The following UPF2 variants were observed in gnomAD, a reference collection of about 807,000 sequenced individuals.
The protein encoded by UPF2 is UPF2 regulator of nonsense mediated mRNA decay.
In UPF2, 17 loss-of-function variants were observed where a neutral mutation model predicts 141.4. That is an observed-to-expected ratio of 0.12 (90% CI 0.08 to 0.18). UPF2 has a LOEUF of 0.18. Among genes scored for constraint, UPF2 ranks in the 10% least tolerant of loss-of-function variants. The pLI, the probability that UPF2 is intolerant of heterozygous loss-of-function variation, is 1.00. For synonymous variants in UPF2, 540 were observed against 498.0 expected (o/e 1.08, Z -1.12); for missense variants, 1,152 against 1,515.9 (o/e 0.76, Z 3.99).
chr10:12,007,341 A>G (rs887234228), intron 4 of UPF2, among the ~76,000 whole-genome samples: 3 of 152,246 alleles, frequency 2.0e-5, no homozygotes, highest in Admixed American at 2.0e-4. Context: ...TGCATCTGAC[A>G]GTAAACTTTC....
intron 3 of UPF2, among the ~76,000 whole-genome samples, chr10:12,026,281 T>G (rs1222641571): frequency 6.6e-6 from 1 of 152,136 alleles, no homozygotes; most frequent in African/African-American, 2.4e-5. Flanking sequence ...GAAATAAAGC[T>G]TCAGTGCAAA....
intron 10 of UPF2, among the ~76,000 whole-genome samples, chr10:11,964,908 C>G (rs1833296238): frequency 1.3e-5 from 2 of 152,208 alleles, no homozygotes; most frequent in South Asian, 2.1e-4. Context: ...AATCTATACA[C>G]AAAATTCATT....
rs1564363010 is a variant in UPF2, at chr10:12,004,456, T to TA, written c.1504+73_1504+74insT. 3.5e-4 allele frequency: 396 copies of TA among 1,121,620 alleles called. 1 individual carries two copies. In the African/African-American group the frequency reaches 5.1e-3, roughly 15 times the overall value. 69.5% of individuals were successfully genotyped at this position (1,121,620 alleles called of 1,614,324 possible). A position where few individuals can be genotyped will look rare whatever the true frequency, so the allele number is the denominator to read the frequency against. On this transcript the variant is annotated intron_variant, in intron 5 of 21. Coordinates refer to ENST00000357604, the MANE Select transcript of UPF2 (RefSeq NM_015542.4). ...AAACTAGTAACTACAATATATATAT[T>TA]TTTTTTTTACAAATACTATTTTGAA... is the stretch of plus-strand genomic sequence containing the variant.
chr10:11,961,471 G>A (rs1327440810), intron 11 of UPF2, among the ~76,000 whole-genome samples: 2 of 151,924 alleles, frequency 1.3e-5, no homozygotes, highest in African/African-American at 2.4e-5. Flanking sequence ...ACGAACAGAA[G>A]GCCAGTGTGT....
chr10:12,031,144 G>A (rs1417379079), intron 2 of UPF2, among the ~76,000 whole-genome samples: 10 of 148,752 alleles, frequency 6.7e-5, no homozygotes, highest in East Asian at 2.0e-4. Flanking sequence ...ACTGCAGTCC[G>A]GCCTGGGCGA....
intron 18 of UPF2, among the ~76,000 whole-genome samples, chr10:11,938,855 T>TTTTTG (rs1832891672): frequency 8.2e-5 from 5 of 61,144 alleles, no homozygotes; most frequent in Non-Finnish European, 1.2e-4. Flanking sequence ...TTTTTTTTGT[T>TTTTTG]TTTTTTTTTT....
chr10:11,926,445 C>A (rs1310230382), intron 21 of UPF2, among the ~76,000 whole-genome samples: 1 of 152,176 alleles, frequency 6.6e-6, no homozygotes, highest in Non-Finnish European at 1.5e-5. Flanking sequence ...AGGGCCCAGG[C>A]TGAGCCCAAG....
chr10:11,958,829 TC>T (rs1833195841), intron 12 of UPF2, among the ~76,000 whole-genome samples: 1 of 152,150 alleles, frequency 6.6e-6, no homozygotes, highest in African/African-American at 2.4e-5. Flanking sequence ...TCTTATAACG[TC>T]TACTAAAGGT....
intron 9 of UPF2, among the ~76,000 whole-genome samples, chr10:11,970,860 A>G (rs1227314030): frequency 6.6e-6 from 1 of 151,680 alleles, no homozygotes; most frequent in Non-Finnish European, 1.5e-5. Flanking sequence ...ACTAAAACTA[A>G]GTCTTTAGGG....
chr10:12,022,882 C>T (rs988040024), intron 3 of UPF2, among the ~76,000 whole-genome samples: 4 of 151,912 alleles, frequency 2.6e-5, no homozygotes, highest in African/African-American at 4.8e-5. Flanking sequence ...AATGGGCAGA[C>T]GAAAAAGTCT....
chr10:11,931,546 T>C lies in UPF2; in HGVS notation c.3688+95A>G. On this transcript the variant is annotated intron_variant, in intron 20 of 21. Transcript: ENST00000357604. This position sits in a 1 kb window ranked among gnomAD's most constrained non-coding sequence, Gnocchi z 5.9. Reference sequence around the variant, plus strand: ...CAAAATGAATTTCTCAGCATAAATATGGAAAAATATGACATGAGAAGATGA... The same window carrying C: ...CAAAATGAATTTCTCAGCATAAATACGGAAAAATATGACATGAGAAGATGA... 7.6e-7 allele frequency: 1 copy of C among 1,313,898 alleles called. No homozygotes were observed. Among genetic ancestry groups the C allele is most frequent in the East Asian group, 2.5e-5 (1 of 39,770 alleles). The allele number at this position is 1,313,898 out of a possible 1,614,324, so 81.4% of individuals were successfully genotyped here. A position where few individuals can be genotyped will look rare whatever the true frequency, so the allele number is the denominator to read the frequency against.
At chr10:12,003,923 C>CA (rs34191709) in intron 5 of UPF2, among the ~76,000 whole-genome samples, 1,377 of 81,516 alleles carry the variant, frequency 0.017, 43 homozygotes, top group African/African-American at 0.06. Context: ...AACTCCGCCT[C>CA]AAAAAAAAAA....
At chr10:11,948,840 G>A (rs1380294711) in intron 15 of UPF2, among the ~76,000 whole-genome samples, 2 of 151,892 alleles carry the variant, frequency 1.3e-5, no homozygotes, top group Non-Finnish European at 2.9e-5. Flanking sequence ...AACAGATGAG[G>A]TACAGTCTCA....
chr10:11,981,625 A>G (rs554271737), intron 8 of UPF2, among the ~76,000 whole-genome samples: 3 of 152,244 alleles, frequency 2.0e-5, no homozygotes, highest in Non-Finnish European at 2.9e-5. Context: ...GAAAATGCAC[A>G]TAAGTAGGTC....
chr10:12,022,039 C>T (rs1462225751), intron 3 of UPF2, among the ~76,000 whole-genome samples: 1 of 152,010 alleles, frequency 6.6e-6, no homozygotes, highest in African/African-American at 2.4e-5. Context: ...ACTCAGGAGG[C>T]TGAGGCAGGA....
At position 12,028,727 on chromosome 10, in the gene UPF2, G is replaced by A; in HGVS notation, c.1145+18C>T. 6.4e-7 allele frequency: 1 copy of A among 1,554,750 alleles called. No individual in the cohort carries two copies. Among genetic ancestry groups the A allele is most frequent in the Non-Finnish European group, 8.7e-7 (1 of 1,155,162 alleles). On this transcript the variant is annotated intron_variant, in intron 3 of 21. Coordinates refer to ENST00000357604, the MANE Select transcript of UPF2 (RefSeq NM_015542.4). ...CTCCAAAATAAATTCTCAACTCTGA[G>A]AAACATTTGAAAATCACCTGTTTTG...
chr10:11,928,773 CTT>C, intron 21 of UPF2: 1 of 291,786 alleles, frequency 3.4e-6, no homozygotes, highest in South Asian at 2.9e-5. Context: ...TTTTCAAATT[CTT>C]TATAGAGTTT....
intron 1 of UPF2, among the ~76,000 whole-genome samples, chr10:12,036,660 A>T (rs1392241333): frequency 6.6e-6 from 1 of 152,248 alleles, no homozygotes; most frequent in Non-Finnish European, 1.5e-5. Context: ...ACTCAGAACT[A>T]GTTGTCTAAT....
chr10:11,995,542 TG>T (rs1292238655), intron 8 of UPF2, among the ~76,000 whole-genome samples: 2 of 152,158 alleles, frequency 1.3e-5, no homozygotes, highest in Admixed American at 6.5e-5. Context: ...CCCAGCACTT[TG>T]GGAGGCTGAG....
Sources: gnomAD v4.1 joint callset for allele counts (sites outside exome capture counted in the v4.1 genomes callset) on GRCh38, gnomAD v4.1.1 for gene constraint, Gnocchi (gnomAD v3.1) non-coding constraint, MANE v1.5 for transcripts, NCBI Gene and HGNC (gene_info 2026-07-23, HGNC 2026-07-21) for gene names.